Variants in ADARB2 observed in about 807,000 individuals in gnomAD.
ADARB2 encodes adenosine deaminase RNA specific B2 (inactive).
A neutral mutation model predicts 62.2 loss-of-function variants in ADARB2; 25 were observed. That is an observed-to-expected ratio of 0.40 (90% CI 0.29 to 0.56). The LOEUF (loss-of-function observed/expected upper bound fraction) is 0.56. Among genes scored for constraint, ADARB2 ranks in the 20% least tolerant of loss-of-function variants. The pLI is 0.43. For synonymous variants in ADARB2, 572 were observed against 500.8 expected (o/e 1.14, Z -1.90); for missense variants, 1,071 against 1,077.4 (o/e 0.99, Z 0.08).
rs575676768 is a variant in ADARB2, at chr10:1,247,172, T to C, written c.1193-4873A>G. ...TAAGAATGCTTGTGATTTTTGTACA[T>C]TGATTTTGTATCCTGAGACTTTGCT... On this transcript the variant is annotated intron_variant, in intron 4 of 9. Coordinates refer to ENST00000381312, the MANE Select transcript of ADARB2 (RefSeq NM_018702.4). Among the ~76,000 whole-genome samples the C allele has an allele frequency of 1.1e-3, 167 of 152,228 alleles. 1 individual carries two copies. Among genetic ancestry groups the C allele is most frequent in the Non-Finnish European group, 2.1e-3 (143 of 68,046 alleles).
chr10:1,644,558 G>A (rs752706963), intron 1 of ADARB2, among the ~76,000 whole-genome samples: 2 of 152,374 alleles, frequency 1.3e-5, no homozygotes, highest in Middle Eastern at 3.4e-3. Flanking sequence ...CATCGGTGGT[G>A]ACAGAGAAAT....
chr10:1,227,575 G>A (rs565956827), intron 6 of ADARB2, among the ~76,000 whole-genome samples: 1 of 152,316 alleles, frequency 6.6e-6, no homozygotes, highest in South Asian at 2.1e-4. Context: ...ATTTCTAAAT[G>A]AGGATGTGCT....
At chr10:1,335,482 G>A in intron 3 of ADARB2, among the ~76,000 whole-genome samples, 1 of 139,852 alleles carries the variant, frequency 7.2e-6, no homozygotes, top group East Asian at 2.3e-4. Flanking sequence ...GGGGGTGAAG[G>A]AATGGGGGAA....
intron 6 of ADARB2, among the ~76,000 whole-genome samples, chr10:1,224,566 G>A (rs939933846): frequency 5.3e-5 from 8 of 152,194 alleles, no homozygotes; most frequent in African/African-American, 7.2e-5. Flanking sequence ...GGCATTTAGT[G>A]CTATAAATTT....
intron 1 of ADARB2, among the ~76,000 whole-genome samples, chr10:1,608,692 A>G (rs1833525912): frequency 6.6e-6 from 1 of 151,062 alleles, no homozygotes; most frequent in Non-Finnish European, 1.5e-5. Flanking sequence ...AGGAGGAAAA[A>G]GTAAGAAAGA....
intron 7 of ADARB2, 182 bp downstream of exon 7, chr10:1,216,769 G>C: frequency 1.2e-6 from 1 of 808,726 alleles, no homozygotes; most frequent in Non-Finnish European, 1.9e-6. Context: ...GGGGTGCCTT[G>C]GCCTCAGGGT....
intron 1 of ADARB2, among the ~76,000 whole-genome samples, chr10:1,609,366 G>A (rs1304755795): frequency 6.6e-6 from 1 of 152,204 alleles, no homozygotes; most frequent in Non-Finnish European, 1.5e-5. Flanking sequence ...TTAACTCTTT[G>A]CTGCCCTGGT....
chr10:1,381,137 T>C (rs998312138), intron 1 of ADARB2, among the ~76,000 whole-genome samples: 1 of 150,638 alleles, frequency 6.6e-6, no homozygotes, highest in Non-Finnish European at 1.5e-5. Context: ...TCATTTCTAA[T>C]ATTGTGTGGG....
intron 3 of ADARB2, among the ~76,000 whole-genome samples, chr10:1,299,945 G>A (rs1386972542): frequency 1.3e-5 from 2 of 152,140 alleles, no homozygotes; most frequent in Non-Finnish European, 2.9e-5. Context: ...TTCACGCCTG[G>A]CCATCAACCA....
chr10:1,573,507 C>G (rs1454220027), intron 1 of ADARB2, among the ~76,000 whole-genome samples: 1 of 152,286 alleles, frequency 6.6e-6, no homozygotes, highest in East Asian at 1.9e-4. Flanking sequence ...CCTCCAACAC[C>G]CCACCCTCAC....
intron 2 of ADARB2, among the ~76,000 whole-genome samples, chr10:1,364,149 G>A (rs978001894): frequency 1.3e-5 from 2 of 152,340 alleles, no homozygotes; most frequent in South Asian, 4.1e-4. Context: ...AGGAGCTGTC[G>A]TCTTCTGGGC....
chr10:1,579,092 T>C (rs907456267), intron 1 of ADARB2, among the ~76,000 whole-genome samples: 8 of 152,196 alleles, frequency 5.3e-5, no homozygotes, highest in Admixed American at 5.2e-4. Context: ...CAGTTTACCC[T>C]GCCTTCCAGC....
chr10:1,210,800 C>T (rs1837140598), intron 7 of ADARB2, among the ~76,000 whole-genome samples: 1 of 152,194 alleles, frequency 6.6e-6, no homozygotes, highest in South Asian at 2.1e-4. Flanking sequence ...GGGCCTCAGG[C>T]AGATGGAAAG....
chr10:1,363,038 G>C lies in ADARB2; in HGVS notation c.1067C>G (p.Pro356Arg), dbSNP rs1259505116. 1 of 1,397,784 alleles carries C rather than the reference G, an allele frequency of 7.2e-7. No homozygotes were observed. The highest frequency in any genetic ancestry group is 1.5e-5 in the African/African-American group (1 of 67,194). 86.6% of individuals were successfully genotyped at this position (1,397,784 alleles called of 1,614,324 possible). ...CGCCGCGCCCCTCACCTGCGGCATT[G>C]GCGTCCTCCTGGCCCTGCCGGGCGC... ...GHAPGRARRTPMPQEFADSIS... is the reference protein window; with the variant it reads ...GHAPGRARRTRMPQEFADSIS... The change falls in exon 3 of 10, where the codon CCA becomes CGA. Residue 356 changes from proline to arginine, a missense_variant. Physicochemically the swap from Pro to Arg is moderately radical, Grantham distance 103 (BLOSUM62 -2). Coordinates refer to ENST00000381312, the MANE Select transcript of ADARB2 (RefSeq NM_018702.4).
rs899404182 is a variant in ADARB2, at chr10:1,444,336, G to T, written c.101-65176C>A. 3.3e-3 allele frequency among the ~76,000 whole-genome samples: 465 copies of T among 139,578 alleles called. 8 individuals carry two copies. The highest frequency in any genetic ancestry group is 0.012 in the African/African-American group (431 of 35,900). 91.6% of individuals were successfully genotyped at this position (139,578 alleles called of 152,430 possible). On this transcript the variant is annotated intron_variant, in intron 1 of 9. Coordinates refer to ENST00000381312, the MANE Select transcript of ADARB2 (RefSeq NM_018702.4). ...ACTCATTCATCCTTCCATCCACCCA[G>T]CCATCCACTCACCCATCCACTCACC...
At chr10:1,521,500 C>T (rs981742956) in intron 1 of ADARB2, among the ~76,000 whole-genome samples, 2 of 152,224 alleles carry the variant, frequency 1.3e-5, no homozygotes, top group African/African-American at 4.8e-5. Context: ...CTGTTTGAGG[C>T]AATGTTGGGA....
intron 1 of ADARB2, among the ~76,000 whole-genome samples, chr10:1,707,531 T>C (rs1010402888): frequency 6.6e-6 from 1 of 152,220 alleles, no homozygotes; most frequent in Non-Finnish European, 1.5e-5. Context: ...ATTAATCTTG[T>C]TACTTGATGA....
intron 1 of ADARB2, among the ~76,000 whole-genome samples, chr10:1,673,013 CA>C (rs1334892997): frequency 2.6e-5 from 4 of 152,196 alleles, no homozygotes; most frequent in African/African-American, 4.8e-5. Context: ...CGGAGGGGAC[CA>C]GGGGGATGAA....
At chr10:1,259,185 C>G (rs1831109968) in intron 4 of ADARB2, among the ~76,000 whole-genome samples, 1 of 152,106 alleles carries the variant, frequency 6.6e-6, no homozygotes, top group Non-Finnish European at 1.5e-5. Context: ...TAAATGCCCA[C>G]AAGAGAAAGC....
Sources: allele counts gnomAD v4.1 joint callset (sites outside exome capture counted in the v4.1 genomes callset), GRCh38; gene constraint gnomAD v4.1.1; transcripts MANE v1.5; gene names NCBI Gene and HGNC (gene_info 2026-07-23, HGNC 2026-07-21).